The following CLIP1 variants were observed in gnomAD, a reference collection of about 807,000 sequenced individuals.
CLIP1 encodes CAP-Gly domain containing linker protein 1.
A neutral mutation model predicts 161.6 loss-of-function variants in CLIP1; 66 were observed. That is an observed-to-expected ratio of 0.41 (90% CI 0.33 to 0.50). The LOEUF (loss-of-function observed/expected upper bound fraction) is 0.50, where lower values mean the gene tolerates loss of function less well. Ranked by LOEUF, CLIP1 falls within the 20% of genes least tolerant of loss-of-function variation. CLIP1 has a pLI of 0.27. For missense variants in CLIP1, 1,376 were observed against 1,702.0 expected (o/e 0.81, Z 3.37); for synonymous variants, 598 against 626.2 (o/e 0.96, Z 0.67).
intron 3 of CLIP1, among the ~76,000 whole-genome samples, chr12:122,370,301 G>C (rs2136689379): frequency 6.6e-6 from 1 of 152,282 alleles, no homozygotes; most frequent in East Asian, 1.9e-4. Context: ...GGCACTGCAA[G>C]TCCAAGGAAG....
intron 2 of CLIP1, among the ~76,000 whole-genome samples, chr12:122,379,135 A>G (rs1954883079): frequency 6.6e-6 from 1 of 151,220 alleles, no homozygotes; most frequent in Non-Finnish European, 1.5e-5. Flanking sequence ...CAAAAAACAA[A>G]ACAAAACCAA....
intron 15 of CLIP1, among the ~76,000 whole-genome samples, chr12:122,331,265 G>A (rs757814851): frequency 2.6e-4 from 40 of 151,510 alleles, no homozygotes; most frequent in South Asian, 4.2e-4. Flanking sequence ...CGCCTACCTC[G>A]GCCTCCCAAA....
chr12:122,309,640 G>A (rs1277333600), intron 20 of CLIP1, 122 bp downstream of exon 20: 4 of 1,171,682 alleles, frequency 3.4e-6, no homozygotes, highest in Non-Finnish European at 4.9e-6. Context: ...CAGGTAACTT[G>A]GAATTCCATT....
At chr12:122,328,565 ATTTTGTTTTGTTTTG>A (rs66694613) in intron 15 of CLIP1, 139 bp from the exon 16 acceptor site, 10,518 of 321,164 alleles carry the variant, frequency 0.033, 595 homozygotes, top group African/African-American at 0.16. Context: ...TAGGCAAGAA[ATTTTGTTTTGTTTTG>A]TTTTGTTTTG....
At chr12:122,341,738 A>G (rs780715950) in intron 10 of CLIP1, 41 bp from the exon 11 acceptor site, 1 of 630,156 alleles carries the variant, frequency 1.6e-6, no homozygotes, top group East Asian at 3.9e-5. Context: ...CATTTAAATA[A>G]CAAGTCATTG....
rs905229952 is a variant in CLIP1, at chr12:122,279,109, T to C, written c.3684A>G (p.Lys1228=). The change falls in exon 22 of 26, where the codon AAA becomes AAG. Residue 1228 remains lysine (K), a synonymous_variant. Transcript: ENST00000620786. This position sits in a 1 kb window ranked among gnomAD's most constrained non-coding sequence, Gnocchi z 4.5. ...TACTGATGGATTTCTGCAAGGAAGC[T>C]TTCTCTTCATCTGCGTCTTTTATGA... ...SKFIKDADEE[K]ASLQKSISIT... The C allele has an allele frequency of 2.5e-6, 4 of 1,612,714 alleles. No individual in the cohort carries two copies. The African/African-American group carries it at 5.3e-5, about 22-fold the overall frequency.
intron 20 of CLIP1, among the ~76,000 whole-genome samples, chr12:122,293,002 C>CAAAAAAAAAAAAAAAAAAAAAAAAAAAAA (rs57326141): frequency 2.3e-5 from 1 of 43,606 alleles, no homozygotes; most frequent in African/African-American, 1.1e-4. Flanking sequence ...GACTCTGTCT[C>CAAAAAAAAAAAAAAAAAAAAAAAAAAAAA]AAAAAAAAAA....
At chr12:122,406,183 G>A (rs1207970083) in intron 1 of CLIP1, among the ~76,000 whole-genome samples, 2 of 152,050 alleles carry the variant, frequency 1.3e-5, no homozygotes, top group Admixed American at 6.6e-5. Flanking sequence ...AGTGGCTCAC[G>A]CCCATAATCC....
chr12:122,402,338 A>G (rs1257283767), intron 1 of CLIP1, among the ~76,000 whole-genome samples: 2 of 152,164 alleles, frequency 1.3e-5, no homozygotes, highest in Non-Finnish European at 2.9e-5. Flanking sequence ...ATTTTTAAAA[A>G]TTAGCTGGGT....
rs1226625740 is a variant in CLIP1, at chr12:122,364,021, C to T, written c.744G>A (p.Glu248=). 1.9e-6 allele frequency: 3 copies of T among 1,614,074 alleles called. No homozygotes were observed. The African/African-American group carries it at 4.0e-5, about 22-fold the overall frequency. Residue 248 remains glutamate (E), a synonymous_variant, in exon 4 of 26, where the codon GAG becomes GAA. Transcript: ENST00000620786. The stretch of plus-strand genomic sequence containing the variant: ...CAGCGCCATCATTCTTCCCAAGTGG[C>T]TCATCTAACTCCACGCCACACCACT... The part of the protein sequence containing the change: ...KGEWCGVELD[E]PLGKNDGAVA...
chr12:122,328,436 G>C lies in CLIP1; in HGVS notation c.2868-10C>G. On this transcript the variant is annotated splice_polypyrimidine_tract_variant and intron_variant, in intron 15 of 25. Coordinates refer to ENST00000620786, the MANE Select transcript of CLIP1 (RefSeq NM_001247997.2). ...TAATTCTTCTACATCTCTAGAAAAA[G>C]TTTCAATATAAGGTGTCAGATTTTT... is the stretch of plus-strand genomic sequence containing the variant. The C allele has an allele frequency of 1.3e-6, 2 of 1,544,468 alleles. No homozygotes were observed. The highest frequency in any genetic ancestry group is 1.7e-6 in the Non-Finnish European group (2 of 1,145,826).
At chr12:122,306,619 A>G (rs1313301669) in intron 20 of CLIP1, among the ~76,000 whole-genome samples, 1 of 152,170 alleles carries the variant, frequency 6.6e-6, no homozygotes, top group Non-Finnish European at 1.5e-5. Flanking sequence ...TCTGCTCAAG[A>G]TCAGAGGCCA....
Position 122,278,214 on chromosome 12 carries a change from A to AG in CLIP1, c.3917-12dup, listed in dbSNP as rs1955509601. 4 of 1,461,532 alleles carry AG rather than the reference A, an allele frequency of 2.7e-6. No individual in the cohort carries two copies. Among genetic ancestry groups the AG allele is most frequent in the Non-Finnish European group, 3.6e-6 (4 of 1,096,458 alleles). 90.5% of individuals were successfully genotyped at this position (1,461,532 alleles called of 1,614,324 possible). A position where few individuals can be genotyped will look rare whatever the true frequency, so the allele number is the denominator to read the frequency against. On this transcript the variant is annotated splice_polypyrimidine_tract_variant and intron_variant, in intron 23 of 25. Transcript: ENST00000620786. ...GAGTGTCTGTATTACCTTATATTTGAGGAAAAAAAAAAAAAAACAAGTGGA... is the reference window on the plus strand; with the variant it reads ...GAGTGTCTGTATTACCTTATATTTGAGGGAAAAAAAAAAAAAAACAAGTGGA...
chr12:122,352,058 CTT>C (rs11448068), intron 8 of CLIP1, among the ~76,000 whole-genome samples: 8 of 137,396 alleles, frequency 5.8e-5, no homozygotes, highest in African/African-American at 8.0e-5. Flanking sequence ...TTGTTGTGGA[CTT>C]TTTTTTTTTT....
chr12:122,357,993 G>C (rs1953565631), intron 5 of CLIP1, among the ~76,000 whole-genome samples: 2 of 152,174 alleles, frequency 1.3e-5, no homozygotes. Flanking sequence ...TTGTGGAATA[G>C]AAAGGGGGGA....
chr12:122,295,400 G>T (rs759710108), intron 20 of CLIP1, among the ~76,000 whole-genome samples: 58 of 152,226 alleles, frequency 3.8e-4, no homozygotes, highest in Non-Finnish European at 5.6e-4. Flanking sequence ...GATACATAAG[G>T]CTATATAATG....
At chr12:122,336,805 A>G in intron 11 of CLIP1, 57 bp from the exon 12 acceptor site, 1 of 717,124 alleles carries the variant, frequency 1.4e-6, no homozygotes, top group Admixed American at 2.9e-5. Context: ...AACAAAAGAG[A>G]ATGAGAAGAA....
chr12:122,313,384 G>A (rs1951135070), intron 19 of CLIP1, among the ~76,000 whole-genome samples: 1 of 152,120 alleles, frequency 6.6e-6, no homozygotes, highest in Non-Finnish European at 1.5e-5. Context: ...TCTCAGCTAA[G>A]CTTTTATTAG....
chr12:122,280,226 A>C (rs12825008), intron 21 of CLIP1: 34,732 of 151,820 alleles, frequency 0.23, 4,963 homozygotes, highest in East Asian at 0.62. Context: ...GGCGCCTGCC[A>C]CCACGCCCAG....
Sources: gnomAD v4.1 joint callset for allele counts (sites outside exome capture counted in the v4.1 genomes callset) on GRCh38, gnomAD v4.1.1 for gene constraint, Gnocchi (gnomAD v3.1) non-coding constraint, MANE v1.5 for transcripts, NCBI Gene and HGNC (gene_info 2026-07-23, HGNC 2026-07-21) for gene names.